The following XPNPEP3 variants were observed in gnomAD, a reference collection of about 807,000 sequenced individuals.
The protein encoded by XPNPEP3 is X-prolyl aminopeptidase 3, also known as xaa-Pro aminopeptidase 3.
A neutral mutation model predicts 60.0 loss-of-function variants in XPNPEP3; 41 were observed. The observed-to-expected ratio is 0.68, with a 90% confidence interval of 0.53 to 0.89. XPNPEP3 has a LOEUF of 0.89. XPNPEP3 is among the 40% of genes least tolerant of loss of function. The probability of loss-of-function intolerance (pLI) is 0.00; values close to 1 mark genes in which losing one functional copy is unlikely to be tolerated. For synonymous variants in XPNPEP3, 212 were observed against 223.2 expected (o/e 0.95, Z 0.45); for missense variants, 598 against 638.9 (o/e 0.94, Z 0.69).
intron 5 of XPNPEP3, among the ~76,000 whole-genome samples, 196 bp downstream of exon 5, chr22:40,907,845 A>G (rs2058162172): frequency 6.6e-6 from 1 of 152,220 alleles, no homozygotes; most frequent in Non-Finnish European, 1.5e-5. Flanking sequence ...AAAATTGCAA[A>G]GTAGCACAGA....
chr22:40,886,209 A>G (rs2058067987), intron 3 of XPNPEP3, 104 bp from the exon 4 acceptor site: 2 of 1,142,020 alleles, frequency 1.8e-6, no homozygotes, highest in African/African-American at 3.0e-5. Context: ...GTTCCACGTT[A>G]CAGGTTTTAT....
intron 6 of XPNPEP3, among the ~76,000 whole-genome samples, chr22:40,912,106 T>G (rs1025198257): frequency 2.0e-5 from 3 of 152,172 alleles, no homozygotes; most frequent in Non-Finnish European, 1.5e-5. Context: ...ATGTTATTTA[T>G]GTTAACATGT....
At chr22:40,861,395 A>G (rs776233221) in intron 1 of XPNPEP3, 5 of 1,613,600 alleles carry the variant, frequency 3.1e-6, no homozygotes, top group African/African-American at 2.7e-5. Flanking sequence ...TTTTCTTTGT[A>G]TTAATATTTC....
Position 40,926,259 on chromosome 22 carries a change from T to C in XPNPEP3, c.1358-10T>C. 1 of 1,614,170 alleles carries C rather than the reference T, an allele frequency of 6.2e-7. No individual in the cohort carries two copies. Among genetic ancestry groups the C allele is most frequent in the Non-Finnish European group, 8.5e-7 (1 of 1,180,002 alleles). Reference sequence around the variant, plus strand: ...TTCCTGAACAGCATGTTCTTCTTTCTACTTCACAGGCATTTATATTCCAGA... The same window carrying C: ...TTCCTGAACAGCATGTTCTTCTTTCCACTTCACAGGCATTTATATTCCAGA... On this transcript the variant is annotated splice_polypyrimidine_tract_variant and intron_variant, in intron 9 of 9. Coordinates refer to ENST00000357137, the MANE Select transcript of XPNPEP3 (RefSeq NM_022098.4).
chr22:40,872,166 A>G (rs754078932), intron 2 of XPNPEP3, among the ~76,000 whole-genome samples: 20 of 152,236 alleles, frequency 1.3e-4, no homozygotes, highest in Non-Finnish European at 2.6e-4. Flanking sequence ...AATATTTAGC[A>G]GGATGATACA....
At chr22:40,880,787 C>CA (rs35246385) in intron 2 of XPNPEP3, among the ~76,000 whole-genome samples, 7,968 of 74,394 alleles carry the variant, frequency 0.11, 281 homozygotes, top group Non-Finnish European at 0.12. Flanking sequence ...GACTCCCTCT[C>CA]AAAAAAAAAA....
At chr22:40,882,328 A>G (rs1020805094) in intron 3 of XPNPEP3, 151 bp downstream of exon 3, 15 of 939,206 alleles carry the variant, frequency 1.6e-5, no homozygotes, top group Non-Finnish European at 2.2e-5. Flanking sequence ...TTTTCAGAAG[A>G]TTGAGCTTCT....
At chr22:40,886,705 T>C (rs1237528519) in intron 4 of XPNPEP3, among the ~76,000 whole-genome samples, 190 bp downstream of exon 4, 1 of 151,080 alleles carries the variant, frequency 6.6e-6, no homozygotes, top group East Asian at 2.0e-4. Context: ...CGGGCTCCTG[T>C]AGTCCCAGCT....
intron 4 of XPNPEP3, among the ~76,000 whole-genome samples, chr22:40,887,864 T>G (rs1212777004): frequency 6.6e-6 from 1 of 151,940 alleles, no homozygotes; most frequent in East Asian, 1.9e-4. Flanking sequence ...TGATAGAAAC[T>G]ATCCCAAAAC....
In XPNPEP3 at chr22:40,932,529, G is replaced by A. The variant is rs1215343074; in HGVS notation, c.*6094G>A. The A allele has an allele frequency of 6.6e-6, 1 of 152,090 alleles. No individual in the cohort carries two copies. The highest frequency in any genetic ancestry group is 2.4e-5 in the African/African-American group (1 of 41,398). The allele number at this position is 152,090 out of a possible 1,614,324, so 9.4% of individuals were successfully genotyped here. ...CATGGGTTCTCCTGGTTGTGCTGCTGTTCTCTACCTGTGTGTCACTGAGTT... is the reference window on the plus strand; with the variant it reads ...CATGGGTTCTCCTGGTTGTGCTGCTATTCTCTACCTGTGTGTCACTGAGTT... On this transcript the variant is annotated 3_prime_UTR_variant, in exon 10 of 10. Transcript: ENST00000357137.
At chr22:40,905,094 T>C (rs1225275252) in intron 4 of XPNPEP3, among the ~76,000 whole-genome samples, 4 of 151,086 alleles carry the variant, frequency 2.6e-5, no homozygotes, top group Admixed American at 1.3e-4. Flanking sequence ...TAATTTTTTT[T>C]TTGAGATAGA....
At position 40,861,439 on chromosome 22, in the gene XPNPEP3, A is replaced by G; in HGVS notation, c.64+4194A>G. 1 of 1,614,084 alleles carries G rather than the reference A, an allele frequency of 6.2e-7. No homozygotes were observed. The highest frequency in any genetic ancestry group is 8.5e-7 in the Non-Finnish European group (1 of 1,180,014). On this transcript the variant is annotated intron_variant, in intron 1 of 9. Coordinates refer to ENST00000357137, the MANE Select transcript of XPNPEP3 (RefSeq NM_022098.4). ...ACGATTTTGTCTGAAGTTGTAACAG[A>G]TATGTAGTTGTCCATCCCACTATTA... is the stretch of plus-strand genomic sequence containing the variant.
intron 7 of XPNPEP3, among the ~76,000 whole-genome samples, chr22:40,915,050 CTTTT>C (rs34697318): frequency 8.5e-6 from 1 of 117,876 alleles, no homozygotes; most frequent in Middle Eastern, 4.9e-3. Context: ...CAAGTCCATT[CTTTT>C]TTTTTTTTTT....
intron 3 of XPNPEP3, among the ~76,000 whole-genome samples, chr22:40,884,117 G>A (rs1342085274): frequency 1.3e-5 from 2 of 152,030 alleles, no homozygotes; most frequent in Non-Finnish European, 2.9e-5. Flanking sequence ...TTATAGAAAT[G>A]TTTTCCATTT....
At chr22:40,874,819 G>C (rs2058021523) in intron 2 of XPNPEP3, among the ~76,000 whole-genome samples, 1 of 152,112 alleles carries the variant, frequency 6.6e-6, no homozygotes, top group Admixed American at 6.6e-5. Flanking sequence ...GATGCCTGAT[G>C]ACTTAAGGGG....
Position 40,922,526 on chromosome 22 carries a change from T to G in XPNPEP3, c.1236+13T>G. On this transcript the variant is annotated intron_variant, in intron 8 of 9. Coordinates refer to ENST00000357137, the MANE Select transcript of XPNPEP3 (RefSeq NM_022098.4). ...TAATGCCTTCAAGGTACTTCACTTCTCTTGACCCCAGTTCTCAAGAACACC... is the reference window on the plus strand; with the variant it reads ...TAATGCCTTCAAGGTACTTCACTTCGCTTGACCCCAGTTCTCAAGAACACC... 6.2e-7 allele frequency: 1 copy of G among 1,613,540 alleles called. No individual in the cohort carries two copies. The highest frequency in any genetic ancestry group is 8.5e-7 in the Non-Finnish European group (1 of 1,179,836).
chr22:40,889,728 C>T (rs2058082010), intron 4 of XPNPEP3, among the ~76,000 whole-genome samples: 1 of 152,156 alleles, frequency 6.6e-6, no homozygotes, highest in Non-Finnish European at 1.5e-5. Flanking sequence ...ACTCTGGAGG[C>T]TGAGGCAGAA....
rs2058259124 is a variant in XPNPEP3 at position 40,932,755 on chromosome 22, G to C, written c.*6320G>C. 6.6e-6 allele frequency: 1 copy of C among 152,092 alleles called. No individual in the cohort carries two copies. Among genetic ancestry groups the C allele is most frequent in the Admixed American group, 6.6e-5 (1 of 15,254 alleles). The allele number at this position is 152,092 out of a possible 1,614,324, so 9.4% of individuals were successfully genotyped here. A position where few individuals can be genotyped will look rare whatever the true frequency, so the allele number is the denominator to read the frequency against. ...AATAACTGAAAATAGTTACGTCATT[G>C]CCCATCAAGGGAAAAGCACTTGTAA... On this transcript the variant is annotated 3_prime_UTR_variant, in exon 10 of 10. Transcript: ENST00000357137.
In XPNPEP3 at chr22:40,893,077, TTTATA is replaced by T. The variant is rs895723693; in HGVS notation, c.792+6569_792+6573del. ...TTAACTGGCTAAATTTGAAATATTA[TTTATA>T]TTATATATTTAGTTTATATATAAAT... On this transcript the variant is annotated intron_variant, in intron 4 of 9. Coordinates refer to ENST00000357137, the MANE Select transcript of XPNPEP3 (RefSeq NM_022098.4). 1.5e-3 allele frequency among the ~76,000 whole-genome samples: 215 copies of T among 148,064 alleles called. 1 individual carries two copies. Among genetic ancestry groups the T allele is most frequent in the Middle Eastern group, 7.2e-3 (2 of 278 alleles).
Sources: gnomAD v4.1 joint callset for allele counts (sites outside exome capture counted in the v4.1 genomes callset) on GRCh38, gnomAD v4.1.1 for gene constraint, MANE v1.5 for transcripts, NCBI Gene and HGNC (gene_info 2026-07-23, HGNC 2026-07-21) for gene names.